Variants in MLPH observed in about 807,000 individuals in gnomAD.
MLPH encodes the protein exophilin-3.
MLPH carries 51 observed loss-of-function variants against 72.1 expected under a neutral mutation model. That is an observed-to-expected ratio of 0.71 (90% confidence interval 0.56 to 0.89). MLPH has a LOEUF of 0.89. Ranked by LOEUF, MLPH falls within the 40% of genes least tolerant of loss-of-function variation. The pLI is 0.00. For missense variants in MLPH, 743 were observed against 759.9 expected (o/e 0.98, Z 0.26); for synonymous variants, 301 against 310.1 (o/e 0.97, Z 0.31).
At chr2:237,545,907 G>A (rs2080908970) in intron 12 of MLPH, 1 of 195,244 alleles carries the variant, frequency 5.1e-6, no homozygotes, top group South Asian at 9.8e-5. Context: ...ATCTGAGACA[G>A]GTCTCAGTCA....
intron 4 of MLPH, among the ~76,000 whole-genome samples, chr2:237,514,573 A>G (rs2079974192): frequency 6.6e-6 from 1 of 152,180 alleles, no homozygotes; most frequent in African/African-American, 2.4e-5. Flanking sequence ...CTGAGAGACA[A>G]GAGGGCAGGA....
rs142394738 is a variant in MLPH, at chr2:237,523,695, C to T, written c.676-1906C>T. On this transcript the variant is annotated intron_variant, in intron 6 of 15. Coordinates refer to ENST00000264605, the MANE Select transcript of MLPH (RefSeq NM_024101.7). ...TTTAATACTGTTAATATACAAGTGT[C>T]CCTCGTTGTGTTGTGATTAGCATAT... Among the ~76,000 whole-genome samples the T allele has an allele frequency of 7.6e-3, 1,160 of 152,216 alleles. 11 individuals carry two copies. The highest frequency in any genetic ancestry group is 0.012 in the Non-Finnish European group (838 of 68,016).
At chr2:237,496,162 C>G (rs958705006) in intron 2 of MLPH, among the ~76,000 whole-genome samples, 1 of 152,188 alleles carries the variant, frequency 6.6e-6, no homozygotes, top group Non-Finnish European at 1.5e-5. Flanking sequence ...CCAAGGCAGC[C>G]CTGGCTATTG....
chr2:237,520,150 G>A, intron 6 of MLPH, 121 bp downstream of exon 6: 3 of 1,341,812 alleles, frequency 2.2e-6, no homozygotes, highest in South Asian at 1.2e-5. Flanking sequence ...GTCCCACCTG[G>A]CTCCCAAGGC....
At chr2:237,524,934 G>A (rs1169522045) in intron 6 of MLPH, among the ~76,000 whole-genome samples, 3 of 152,352 alleles carry the variant, frequency 2.0e-5, no homozygotes, top group African/African-American at 7.2e-5. Flanking sequence ...GGTCCTGGAA[G>A]CCAGCAGCCA....
chr2:237,542,855 GC>G (rs1373456757), intron 12 of MLPH, among the ~76,000 whole-genome samples, 196 bp downstream of exon 12: 1 of 40,110 alleles, frequency 2.5e-5, no homozygotes. Flanking sequence ...GTGGTGAGTG[GC>G]GGACAGTGGT....
At position 237,498,200 on chromosome 2, in the gene MLPH, G is replaced by T. The variant is rs187626589; in HGVS notation, c.110+4664G>T. ...GCCCCAGAAACAAGTTTGCCAGGGG[G>T]TTGATTTGCTTAAGAGCGGATTCAC... On this transcript the variant is annotated intron_variant, in intron 2 of 15. Coordinates refer to ENST00000264605, the MANE Select transcript of MLPH (RefSeq NM_024101.7). Among the ~76,000 whole-genome samples, 3 of 152,104 alleles carry T rather than the reference G, an allele frequency of 2.0e-5. No individual in the cohort carries two copies. In the East Asian group the frequency reaches 5.8e-4, roughly 29 times the overall value.
chr2:237,515,432 TGG>T (rs1328456234), intron 4 of MLPH, among the ~76,000 whole-genome samples: 1 of 152,122 alleles, frequency 6.6e-6, no homozygotes, highest in Admixed American at 6.5e-5. Flanking sequence ...CTTGTGCCTC[TGG>T]GAGTGAAAAC....
rs2079997676 is a variant in MLPH, at chr2:237,515,541, A to G, written c.446-2998A>G. 2.0e-5 allele frequency among the ~76,000 whole-genome samples: 3 copies of G among 152,298 alleles called. No individual in the cohort carries two copies. In the South Asian group the frequency reaches 6.2e-4, roughly 32 times the overall value. On this transcript the variant is annotated intron_variant, in intron 4 of 15. Coordinates refer to ENST00000264605, the MANE Select transcript of MLPH (RefSeq NM_024101.7). ...AGGTGGGCCAGTCAGGGAAATGTCT[A>G]AAACAGAAACCACGCGGTCGTTTCA...
In MLPH at chr2:237,510,634, C is replaced by A. The variant is rs1391820540; in HGVS notation, c.171C>A (p.Ala57=). 6.2e-7 allele frequency: 1 copy of A among 1,613,752 alleles called. No individual in the cohort carries two copies. The highest frequency in any genetic ancestry group is 1.7e-5 in the Admixed American group (1 of 60,030). Residue 57 remains alanine, a synonymous_variant, in exon 3 of 16, where the codon GCC becomes GCA. Coordinates refer to ENST00000264605, the MANE Select transcript of MLPH (RefSeq NM_024101.7). The surrounding 1 kb of genome is among the most constrained non-coding windows in gnomAD (Gnocchi z 4.4). ...AGAGGGAGCTGCTTTCCGACACTGCCCATCTGAACGAGACCCACTGCGCCC... is the reference window on the plus strand; with the variant it reads ...AGAGGGAGCTGCTTTCCGACACTGCACATCTGAACGAGACCCACTGCGCCC... ...SSKRELLSDT[A]HLNETHCARC... is the part of the protein sequence containing the mutation.
chr2:237,501,982 GT>G (rs1221783659), intron 2 of MLPH, among the ~76,000 whole-genome samples: 1 of 151,946 alleles, frequency 6.6e-6, no homozygotes, highest in Non-Finnish European at 1.5e-5. Flanking sequence ...TTTCAGCTCT[GT>G]TTTTTTAATT....
chr2:237,512,683 G>T lies in MLPH; in HGVS notation c.445+1582G>T, dbSNP rs2079930345. 6.6e-6 allele frequency among the ~76,000 whole-genome samples: 1 copy of T among 152,072 alleles called. No homozygotes were observed. Among genetic ancestry groups the T allele is most frequent in the African/African-American group, 2.4e-5 (1 of 41,396 alleles). On this transcript the variant is annotated intron_variant, in intron 4 of 15. Coordinates refer to ENST00000264605, the MANE Select transcript of MLPH (RefSeq NM_024101.7). This position sits in a 1 kb window ranked among gnomAD's most constrained non-coding sequence, Gnocchi z 5.5. ...GTCCTCCTGCAGCCAGTGGAGCTTGGTCCAGCCTCCAGTCCACCCCTAACA... is the reference window on the plus strand; with the variant it reads ...GTCCTCCTGCAGCCAGTGGAGCTTGTTCCAGCCTCCAGTCCACCCCTAACA...
chr2:237,513,309 G>A (rs1334247069), intron 4 of MLPH, among the ~76,000 whole-genome samples: 1 of 152,088 alleles, frequency 6.6e-6, no homozygotes, highest in Non-Finnish European at 1.5e-5. Context: ...GATGGCCGAT[G>A]GCCAAGAAAG....
intron 1 of MLPH, among the ~76,000 whole-genome samples, chr2:237,488,773 A>G (rs1173970260): frequency 6.6e-6 from 1 of 152,212 alleles, no homozygotes; most frequent in Non-Finnish European, 1.5e-5. Context: ...GAGGGGCTGG[A>G]GGTGGTGGAA....
intron 4 of MLPH, chr2:237,511,345 C>T (rs2106294556): frequency 4.5e-6 from 2 of 448,894 alleles, no homozygotes; most frequent in South Asian, 2.1e-5. Flanking sequence ...CTCCTGGGCT[C>T]AAGCAATCCA....
At chr2:237,494,060 C>G (rs1022427874) in intron 2 of MLPH, among the ~76,000 whole-genome samples, 3 of 152,194 alleles carry the variant, frequency 2.0e-5, no homozygotes, top group Non-Finnish European at 2.9e-5. Flanking sequence ...TCTTCCTCCC[C>G]CCTCTATCTT....
chr2:237,534,514 G>T (rs771608593), intron 8 of MLPH, 50 bp from the exon 9 acceptor site: 4 of 1,485,274 alleles, frequency 2.7e-6, no homozygotes, highest in South Asian at 2.3e-5. Flanking sequence ...TGTCTTGCTG[G>T]TTGGAGTGCA....
At chr2:237,496,563 G>A (rs1191431659) in intron 2 of MLPH, among the ~76,000 whole-genome samples, 1 of 152,256 alleles carries the variant, frequency 6.6e-6, no homozygotes, top group Non-Finnish European at 1.5e-5. Context: ...AAGGACTTTT[G>A]TAAGAATATG....
intron 6 of MLPH, among the ~76,000 whole-genome samples, chr2:237,520,520 G>A (rs1367752717): frequency 1.3e-5 from 2 of 152,220 alleles, no homozygotes; most frequent in Admixed American, 1.3e-4. Context: ...CAGGGCATGC[G>A]CAGGGGCCAT....
Sources: gnomAD v4.1 joint callset for allele counts (sites outside exome capture counted in the v4.1 genomes callset) on GRCh38, gnomAD v4.1.1 for gene constraint, Gnocchi (gnomAD v3.1) non-coding constraint, MANE v1.5 for transcripts, NCBI Gene and HGNC (gene_info 2026-07-23, HGNC 2026-07-21) for gene names.